SERPINB8: variants seen among roughly 807,000 people sequenced by gnomAD.
SERPINB8 encodes the protein serpin B8.
A neutral mutation model predicts 35.3 loss-of-function variants in SERPINB8; 25 were observed. The ratio of observed to expected loss-of-function variants is 0.71; its 90% confidence interval spans 0.52 to 0.99. The LOEUF (loss-of-function observed/expected upper bound fraction) is 0.99, where lower values mean the gene tolerates loss of function less well. Among genes scored for constraint, SERPINB8 ranks in the 50% least tolerant of loss-of-function variants. SERPINB8 has a pLI of 0.00. For missense variants in SERPINB8, 484 were observed against 446.5 expected, an observed-to-expected ratio of 1.08 and a Z score of -0.76; for synonymous variants, 186 against 160.8, an observed-to-expected ratio of 1.16 and a Z score of -1.19.
At position 63,988,553 on chromosome 18, in the gene SERPINB8, T is replaced by C. The variant is rs1467386673; in HGVS notation, c.*1275T>C. 9 of 152,362 alleles carry C rather than the reference T, an allele frequency of 5.9e-5. No homozygotes were observed. The allele number at this position is 152,362 out of a possible 1,614,324, so 9.4% of individuals were successfully genotyped here. A position where few individuals can be genotyped will look rare whatever the true frequency, so the allele number is the denominator to read the frequency against. ...TTGAGACTTCTTCCAAATTGGTCCC[T>C]AGAAAGTTACACTGGTTTGTACTCT... On this transcript the variant is annotated 3_prime_UTR_variant, in exon 7 of 7. Transcript: ENST00000397985.
intron 7 of SERPINB8, among the ~76,000 whole-genome samples, chr18:64,014,146 G>A (rs1235916855): frequency 6.6e-6 from 1 of 152,146 alleles, no homozygotes; most frequent in Non-Finnish European, 1.5e-5. Context: ...CAAGAGATGA[G>A]GGATATTAAT....
intron 1 of SERPINB8, among the ~76,000 whole-genome samples, chr18:63,994,822 C>G (rs1001179672): frequency 2.0e-5 from 3 of 152,186 alleles, no homozygotes; most frequent in African/African-American, 7.2e-5. Flanking sequence ...TTTTATGCCA[C>G]TACTGCTGGT....
At chr18:63,975,112 TACACACAC>T (rs60613919) in intron 1 of SERPINB8, among the ~76,000 whole-genome samples, 40 of 147,368 alleles carry the variant, frequency 2.7e-4, no homozygotes, top group African/African-American at 9.2e-4. Context: ...TAAACACACC[TACACACAC>T]ACACACACAC....
downstream of SERPINB8, among the ~76,000 whole-genome samples, chr18:63,992,712 G>A (rs565783978): frequency 7.2e-5 from 11 of 152,270 alleles, no homozygotes; most frequent in African/African-American, 1.9e-4. Context: ...TAGGATGAAC[G>A]CGGGAATAAA....
At chr18:63,994,339 C>T (rs1198808866), downstream of SERPINB8, among the ~76,000 whole-genome samples, 1 of 149,786 alleles carries the variant, frequency 6.7e-6, no homozygotes, top group Non-Finnish European at 1.5e-5. Flanking sequence ...CTCTCTCTTT[C>T]TCTCTCTCTC....
At position 64,005,384 on chromosome 18, in the gene SERPINB8, A is replaced by G. The variant is rs567617372; in HGVS notation, c.*506A>G. 4.0e-5 allele frequency: 6 copies of G among 151,432 alleles called. No individual in the cohort carries two copies. The East Asian group carries it at 5.9e-4, about 15-fold the overall frequency. 9.4% of individuals were successfully genotyped at this position (151,432 alleles called of 1,614,324 possible). The stretch of plus-strand genomic sequence containing the variant: ...TGAATGCCGTCTTCCACCAAAATTT[A>G]TATGTTGAAACCCAACATCCAATGT... On this transcript the variant is annotated 3_prime_UTR_variant, in exon 2 of 2. Coordinates refer to the SERPINB8 transcript ENST00000493661.
intron 2 of SERPINB8, 73 bp downstream of exon 2, chr18:63,978,549 C>A: frequency 6.4e-7 from 1 of 1,560,110 alleles, no homozygotes; most frequent in South Asian, 1.2e-5. Flanking sequence ...TCTTTCTGTA[C>A]TTTTGCTCTA....
intron 1 of SERPINB8, among the ~76,000 whole-genome samples, chr18:63,995,537 G>C (rs564793272): frequency 1.3e-5 from 2 of 152,288 alleles, no homozygotes; most frequent in South Asian, 2.1e-4. Flanking sequence ...ATGACTGCAT[G>C]TGTTCTTGGT....
In SERPINB8 at chr18:63,970,156, C is replaced by T; in HGVS notation, c.-25C>T. 1 of 367,498 alleles carries T rather than the reference C, an allele frequency of 2.7e-6. No homozygotes were observed. The highest frequency in any genetic ancestry group is 2.1e-5 in the South Asian group (1 of 48,666). 22.8% of individuals were successfully genotyped at this position (367,498 alleles called of 1,614,324 possible). A position where few individuals can be genotyped will look rare whatever the true frequency, so the allele number is the denominator to read the frequency against. On this transcript the variant is annotated 5_prime_UTR_variant, in exon 1 of 7. Coordinates refer to ENST00000397985, the MANE Select transcript of SERPINB8 (RefSeq NM_002640.4). ...GCGGCGGCGGCGGCGGCGGCAGCAG[C>T]AGCAGCAGCAGGAGGTGGGGGCCTC...
chr18:63,980,025 C>A, intron 3 of SERPINB8, 87 bp downstream of exon 3: 2 of 1,317,390 alleles, frequency 1.5e-6, no homozygotes, highest in Non-Finnish European at 2.1e-6. Flanking sequence ...ACTGTACTGA[C>A]TTAAAACGTG....
chr18:63,999,120 G>A (rs762287531), intron 1 of SERPINB8, among the ~76,000 whole-genome samples: 2 of 152,168 alleles, frequency 1.3e-5, no homozygotes, highest in Non-Finnish European at 2.9e-5. Context: ...GGGGCAAGAA[G>A]TGGGATCTAA....
intron 1 of SERPINB8, among the ~76,000 whole-genome samples, chr18:63,971,666 C>G (rs991691817): frequency 6.6e-6 from 1 of 152,210 alleles, no homozygotes; most frequent in African/African-American, 2.4e-5. Flanking sequence ...TGGTGGCCTA[C>G]GCGCCAGCTC....
At chr18:64,002,103 AC>A (rs1451302748) in intron 1 of SERPINB8, among the ~76,000 whole-genome samples, 1 of 150,320 alleles carries the variant, frequency 6.7e-6, no homozygotes, top group Non-Finnish European at 1.5e-5. Flanking sequence ...CTGCCTCTGA[AC>A]CCCCCGATAG....
At chr18:64,008,003 T>A (rs2050908335), downstream of SERPINB8, among the ~76,000 whole-genome samples, 1 of 152,188 alleles carries the variant, frequency 6.6e-6, no homozygotes, top group South Asian at 2.1e-4. Flanking sequence ...AATTAATTAA[T>A]TATGACAAAT....
chr18:63,970,792 C>T (rs1394986982), intron 1 of SERPINB8, among the ~76,000 whole-genome samples: 1 of 152,184 alleles, frequency 6.6e-6, no homozygotes, highest in African/African-American at 2.4e-5. Flanking sequence ...TGTCCCCCCC[C>T]TCCGTTCTTT....
exon 8 of SERPINB8, chr18:64,019,342 A>G (rs1202781306): frequency 2.0e-5 from 3 of 152,086 alleles, no homozygotes; most frequent in African/African-American, 7.2e-5. Context: ...ACATCTCATA[A>G]TCTGTCTTCA....
intron 1 of SERPINB8, among the ~76,000 whole-genome samples, chr18:63,974,993 T>C (rs1568268311): frequency 6.6e-6 from 1 of 152,096 alleles, no homozygotes; most frequent in Non-Finnish European, 1.5e-5. Context: ...AAATCAGAAG[T>C]AGCAGTTTGC....
At chr18:64,000,361 C>T (rs1215451167) in intron 1 of SERPINB8, among the ~76,000 whole-genome samples, 1 of 152,176 alleles carries the variant, frequency 6.6e-6, no homozygotes, top group African/African-American at 2.4e-5. Context: ...ATAGGGTAGT[C>T]TTTGCTTCTT....
chr18:63,983,357 A>G (rs2144812587), intron 4 of SERPINB8, among the ~76,000 whole-genome samples: 1 of 152,252 alleles, frequency 6.6e-6, no homozygotes, highest in African/African-American at 2.4e-5. Flanking sequence ...TTGAGGGCAA[A>G]ATGATAGTTG....
Sources: allele counts gnomAD v4.1 joint callset (sites outside exome capture counted in the v4.1 genomes callset), GRCh38; gene constraint gnomAD v4.1.1; transcripts MANE v1.5; gene names NCBI Gene and HGNC (gene_info 2026-07-23, HGNC 2026-07-21).